Variants in KIAA1217 observed in about 807,000 individuals in gnomAD.
KIAA1217 encodes the protein sickle tail protein homolog.
A neutral mutation model predicts 163.9 loss-of-function variants in KIAA1217; 88 were observed. The ratio of observed to expected loss-of-function variants is 0.54; its 90% CI spans 0.45 to 0.64. The LOEUF (loss-of-function observed/expected upper bound fraction) is 0.64, where lower values mean the gene tolerates loss of function less well. Among genes scored for constraint, KIAA1217 ranks in the 30% least tolerant of loss-of-function variants. The probability of loss-of-function intolerance (pLI) is 0.00; values close to 1 mark genes in which losing one functional copy is unlikely to be tolerated. For missense variants in KIAA1217, 2,372 were observed against 2,475.0 expected, an observed-to-expected ratio of 0.96 and a Z score of 0.88; for synonymous variants, 903 against 923.1, an observed-to-expected ratio of 0.98 and a Z score of 0.39.
rs143396967 is a variant in KIAA1217 at position 23,949,048 on chromosome 10, AAAAAG to A, written c.-320-58171_-320-58167del. On this transcript the variant is annotated intron_variant, in intron 1 of 18. Transcript: ENST00000376462. The stretch of plus-strand genomic sequence containing the variant: ...AAATAATGCAATGTACTCTAAAAAG[AAAAAG>A]AAAAGGAAAGCGAGAGAGAACTGGC... Among the ~76,000 whole-genome samples the A allele has an allele frequency of 5.0e-3, 763 of 152,350 alleles. 2 individuals carry two copies. Among genetic ancestry groups the A allele is most frequent in the Middle Eastern group, 0.02 (6 of 294 alleles).
At chr10:24,143,540 G>C (rs546475548) in intron 2 of KIAA1217, among the ~76,000 whole-genome samples, 1 of 152,154 alleles carries the variant, frequency 6.6e-6, no homozygotes, top group Admixed American at 6.5e-5. Flanking sequence ...TGGGATTACA[G>C]GCATGAGCTA....
At chr10:24,005,972 C>T (rs1266985183) in intron 1 of KIAA1217, among the ~76,000 whole-genome samples, 1 of 152,068 alleles carries the variant, frequency 6.6e-6, no homozygotes, top group Non-Finnish European at 1.5e-5. Context: ...AAAGAAACAG[C>T]CCAGAAATCA....
At chr10:23,938,052 A>C (rs144704782) in intron 1 of KIAA1217, among the ~76,000 whole-genome samples, 1 of 152,300 alleles carries the variant, frequency 6.6e-6, no homozygotes, top group Non-Finnish European at 1.5e-5. Context: ...CAAAGAGAGC[A>C]CTGGAGATAC....
intron 2 of KIAA1217, among the ~76,000 whole-genome samples, chr10:24,131,547 G>C (rs932697339): frequency 1.3e-5 from 2 of 152,184 alleles, no homozygotes; most frequent in Non-Finnish European, 2.9e-5. Flanking sequence ...CTTTGGAAAA[G>C]AGACAAGTCT....
In KIAA1217 at chr10:23,790,412, TAC is replaced by T. The variant is rs1230922021; in HGVS notation, c.-321+95180_-321+95181del. Among the ~76,000 whole-genome samples the T allele has an allele frequency of 6.3e-5, 5 of 79,154 alleles. No individual in the cohort carries two copies. In the South Asian group the frequency reaches 2.3e-3, roughly 37 times the overall value. 51.9% of individuals were successfully genotyped at this position (79,154 alleles called of 152,430 possible). A position where few individuals can be genotyped will look rare whatever the true frequency, so the allele number is the denominator to read the frequency against. ...ATATGTATATATACATATATACATA[TAC>T]ATATATACATATATACATATACATA... On this transcript the variant is annotated intron_variant, in intron 1 of 18. Transcript: ENST00000376462.
At chr10:24,232,551 C>T (rs1290613469) in intron 2 of KIAA1217, among the ~76,000 whole-genome samples, 2 of 151,990 alleles carry the variant, frequency 1.3e-5, no homozygotes, top group African/African-American at 2.4e-5. Flanking sequence ...TCAGGAGACA[C>T]CTGGAAAGTG....
intron 1 of KIAA1217, among the ~76,000 whole-genome samples, chr10:23,804,770 C>T (rs779233812): frequency 4.6e-5 from 7 of 152,028 alleles, no homozygotes; most frequent in African/African-American, 7.2e-5. Context: ...GTGTATAGTC[C>T]GAGACAATAG....
In KIAA1217 at chr10:24,531,866, T is replaced by TG; in HGVS notation, c.3125dup (p.Ser1044ValfsTer39). On this transcript the variant is annotated frameshift_variant, in exon 15 of 21. Coordinates refer to ENST00000376454, the MANE Select transcript of KIAA1217 (RefSeq NM_019590.5). LOFTEE classifies it high-confidence loss of function. ...AATTCGGAACAGGACTTGGAAAAGCTGGGGGGAAAGTCGCCCCCTCCTCCT... is the reference window on the plus strand; with the variant it reads ...AATTCGGAACAGGACTTGGAAAAGCTGGGGGGGAAAGTCGCCCCCTCCTCCT... The TG allele has an allele frequency of 6.2e-7, 1 of 1,607,844 alleles. No individual in the cohort carries two copies. The highest frequency in any genetic ancestry group is 8.5e-7 in the Non-Finnish European group (1 of 1,176,432).
At chr10:23,810,557 G>T (rs770361199) in intron 1 of KIAA1217, among the ~76,000 whole-genome samples, 8 of 127,424 alleles carry the variant, frequency 6.3e-5, no homozygotes, top group South Asian at 2.3e-4. Flanking sequence ...TCTATATATA[G>T]TATATATAGT....
chr10:23,725,989 AT>A (rs1838109226), intron 1 of KIAA1217, among the ~76,000 whole-genome samples: 2 of 151,128 alleles, frequency 1.3e-5, no homozygotes, highest in African/African-American at 4.9e-5. Context: ...ATGCTTTATG[AT>A]TTTGTGTTCT....
chr10:23,857,584 G>T (rs1839751994), intron 1 of KIAA1217, among the ~76,000 whole-genome samples: 1 of 152,136 alleles, frequency 6.6e-6, no homozygotes. Flanking sequence ...CATGTTAAAG[G>T]TATTAAATCA....
At chr10:23,847,626 G>T (rs761659232) in intron 1 of KIAA1217, among the ~76,000 whole-genome samples, 15 of 151,666 alleles carry the variant, frequency 9.9e-5, no homozygotes, top group Non-Finnish European at 1.9e-4. Flanking sequence ...TGTTATTCTG[G>T]CTATCGCTCT....
Position 24,543,758 on chromosome 10 carries a change from T to A in KIAA1217, c.4488T>A (p.Asn1496Lys). The A allele has an allele frequency of 1.2e-6, 2 of 1,613,366 alleles. No homozygotes were observed. The highest frequency in any genetic ancestry group is 1.7e-6 in the Non-Finnish European group (2 of 1,179,662). ...ATGGGGATTCTGTAGTCCAGAATAATAACACTTCCCAGATGTCTCATAAGA... is the reference window on the plus strand; with the variant it reads ...ATGGGGATTCTGTAGTCCAGAATAAAAACACTTCCCAGATGTCTCATAAGA... ...EENGDSVVQNNNTSQMSHKKV... is the reference protein window; with the variant it reads ...EENGDSVVQNKNTSQMSHKKV... The change falls in exon 19 of 21, where the codon AAT becomes AAA. Residue 1496 changes from asparagine to lysine, a missense_variant. Physicochemically the swap from Asn to Lys is moderately conservative, Grantham distance 94. Around this residue, in one of 3 missense-constraint regions of KIAA1217, gnomAD observed 690 missense variants for 677.5 expected, o/e 1.02. Transcript: ENST00000376454.
At chr10:23,929,511 A>T (rs940876067) in intron 1 of KIAA1217, among the ~76,000 whole-genome samples, 14 of 152,186 alleles carry the variant, frequency 9.2e-5, no homozygotes, top group African/African-American at 3.4e-4. Context: ...CCCATCTTTA[A>T]GTCCACGTGT....
upstream of KIAA1217, among the ~76,000 whole-genome samples, chr10:24,207,192 G>A (rs1413425840): frequency 6.6e-6 from 1 of 152,026 alleles, no homozygotes; most frequent in East Asian, 1.9e-4. Context: ...CTGGACACCA[G>A]AGCAAGGGGA....
Position 24,418,920 on chromosome 10 carries a change from T to A in KIAA1217, c.554-14075T>A, listed in dbSNP as rs139523818. On this transcript the variant is annotated intron_variant, in intron 3 of 20. Coordinates refer to ENST00000376454, the MANE Select transcript of KIAA1217 (RefSeq NM_019590.5). ...TGCTGGGTGCGGTGGCTCACGCCTG[T>A]AATCCCAGCAATTTGGGAGGCCGAG... 1.0e-3 allele frequency among the ~76,000 whole-genome samples: 159 copies of A among 152,112 alleles called. 1 individual carries two copies. The highest frequency in any genetic ancestry group is 3.6e-3 in the African/African-American group (148 of 41,514).
Position 24,381,030 on chromosome 10 carries a change from G to A in KIAA1217, c.516G>A (p.Val172=). The A allele has an allele frequency of 6.3e-7, 1 of 1,599,590 alleles. No individual in the cohort carries two copies. The highest frequency in any genetic ancestry group is 1.7e-5 in the Admixed American group (1 of 58,104). The change falls in exon 3 of 21, where the codon GTG becomes GTA. Residue 172 remains valine (V), a synonymous_variant. Transcript: ENST00000376454. The part of the protein sequence containing the change: ...RGSRTRASLP[V]VRSTNQTKER... ...GCCGGACTCGTGCGAGCCTTCCTGT[G>A]GTGAGGTCAACCAACCAGACGAAAG... is the stretch of plus-strand genomic sequence containing the variant.
At chr10:24,112,802 G>A (rs752457555) in intron 2 of KIAA1217, among the ~76,000 whole-genome samples, 1 of 151,904 alleles carries the variant, frequency 6.6e-6, no homozygotes. Flanking sequence ...TAGCCAGGAC[G>A]GTCTCGATCT....
At chr10:24,168,053 T>C (rs118040214) in intron 2 of KIAA1217, among the ~76,000 whole-genome samples, 2,659 of 152,274 alleles carry the variant, frequency 0.017, 27 homozygotes, top group Middle Eastern at 0.058. Flanking sequence ...TTCCAACATA[T>C]GAACCATGAC....
Sources: allele counts gnomAD v4.1 joint callset (sites outside exome capture counted in the v4.1 genomes callset), GRCh38; gene constraint gnomAD v4.1.1; regional missense constraint gnomAD v4.1.1; transcripts MANE v1.5; gene names NCBI Gene and HGNC (gene_info 2026-07-23, HGNC 2026-07-21).